Variants in ORC5 observed in about 807,000 individuals in gnomAD.
ORC5 encodes the protein protein phosphatase 1, regulatory subunit 117.
In ORC5, 39 loss-of-function variants were observed where a neutral mutation model predicts 58.8. That is an observed-to-expected ratio of 0.66 (90% CI 0.51 to 0.87). The LOEUF is 0.87. Among genes scored for constraint, ORC5 ranks in the 40% least tolerant of loss-of-function variants. The pLI, the probability that ORC5 is intolerant of heterozygous loss-of-function variation, is 0.00. For missense variants in ORC5, 493 were observed against 506.3 expected, an observed-to-expected ratio of 0.97 and a Z score of 0.25; for synonymous variants, 218 against 177.6, an observed-to-expected ratio of 1.23 and a Z score of -1.81.
At chr7:104,154,393 A>C (rs1036912151) in intron 12 of ORC5, among the ~76,000 whole-genome samples, 3 of 152,048 alleles carry the variant, frequency 2.0e-5, no homozygotes, top group Non-Finnish European at 4.4e-5. Context: ...CTACTTAAGT[A>C]AAAAACTCTT....
chr7:104,205,569 G>C (rs1400416947), intron 1 of ORC5, among the ~76,000 whole-genome samples: 1 of 152,128 alleles, frequency 6.6e-6, no homozygotes, highest in Non-Finnish European at 1.5e-5. Context: ...TCAGATTTAC[G>C]CAGGAAAAAG....
Position 104,184,153 on chromosome 7 carries a change from T to C in ORC5, c.703A>G (p.Lys235Glu). The C allele has an allele frequency of 6.3e-7, 1 of 1,575,620 alleles. No homozygotes were observed. Among genetic ancestry groups the C allele is most frequent in the Non-Finnish European group, 8.7e-7 (1 of 1,154,826 alleles). ...CCTTTAACCACGGGTTCACAATATT[T>C]AGGAAAATTAAGTACTGCCTGTAAG... ...LRHLAVLNFP[K>E]YCEPVVKGEA... Residue 235 changes from lysine to glutamate, a missense_variant, in exon 7 of 14, where the codon AAA becomes GAA. By Grantham distance (56) the Lys-to-Glu change is moderately conservative (BLOSUM62 1). Transcript: ENST00000297431.
chr7:104,200,190 C>T (rs1326206641), intron 3 of ORC5, among the ~76,000 whole-genome samples: 1 of 152,154 alleles, frequency 6.6e-6, no homozygotes, highest in Non-Finnish European at 1.5e-5. Context: ...TTCAGAGTAA[C>T]CAGGCATATT....
In ORC5 at chr7:104,168,445, G is replaced by A. The variant is rs758148803; in HGVS notation, c.877+28C>T. Reference sequence around the variant, plus strand: ...ATAATTAGCTGAAGAAGTATCTCCGGTAACTGTCTCAATACTTCCTCTGAT... The same window carrying A: ...ATAATTAGCTGAAGAAGTATCTCCGATAACTGTCTCAATACTTCCTCTGAT... On this transcript the variant is annotated intron_variant, in intron 9 of 13. Coordinates refer to ENST00000297431, the MANE Select transcript of ORC5 (RefSeq NM_002553.4). 28 of 1,605,492 alleles carry A rather than the reference G, an allele frequency of 1.7e-5. No individual in the cohort carries two copies. In the South Asian group the frequency reaches 3.1e-4, roughly 18 times the overall value.
chr7:104,200,728 G>T, intron 3 of ORC5, 30 bp downstream of exon 3: 4 of 1,299,072 alleles, frequency 3.1e-6, no homozygotes, highest in South Asian at 1.2e-5. Context: ...TTCAAGATAA[G>T]AGATGATCTA....
At chr7:104,181,178 C>T (rs1799424124) in intron 8 of ORC5, among the ~76,000 whole-genome samples, 2 of 152,070 alleles carry the variant, frequency 1.3e-5, no homozygotes, top group Non-Finnish European at 2.9e-5. Flanking sequence ...TTATTTGAAA[C>T]ATTAGTTTTT....
At chr7:104,132,965 A>G (rs1028869272) in intron 13 of ORC5, among the ~76,000 whole-genome samples, 1 of 152,160 alleles carries the variant, frequency 6.6e-6, no homozygotes, top group Non-Finnish European at 1.5e-5. Context: ...AAAATGCTGT[A>G]TATACAAGCA....
chr7:104,169,308 G>GC (rs1562816007), intron 8 of ORC5, among the ~76,000 whole-genome samples: 2 of 151,418 alleles, frequency 1.3e-5, no homozygotes, highest in South Asian at 2.1e-4. Context: ...CTTGTAGGAT[G>GC]CTTGCAGAGT....
intron 12 of ORC5, among the ~76,000 whole-genome samples, chr7:104,143,867 C>G (rs1431448203): frequency 6.6e-6 from 1 of 151,990 alleles, no homozygotes; most frequent in Non-Finnish European, 1.5e-5. Context: ...ACCTGTAATC[C>G]CAGCACTTTG....
At chr7:104,130,319 C>A (rs1463055761) in intron 13 of ORC5, among the ~76,000 whole-genome samples, 1 of 152,138 alleles carries the variant, frequency 6.6e-6, no homozygotes, top group Admixed American at 6.5e-5. Context: ...CAAACCTTTC[C>A]ACTGTAGTCT....
At chr7:104,185,149 G>T (rs1315691928) in intron 6 of ORC5, among the ~76,000 whole-genome samples, 1 of 150,314 alleles carries the variant, frequency 6.7e-6, no homozygotes, top group Non-Finnish European at 1.5e-5. Context: ...CTAGGTGAGG[G>T]GTTGATAGAT....
At chr7:104,144,112 C>CT (rs1450482579) in intron 12 of ORC5, among the ~76,000 whole-genome samples, 19 of 151,846 alleles carry the variant, frequency 1.3e-4, no homozygotes, top group African/African-American at 4.6e-4. Flanking sequence ...GAGCAAGACT[C>CT]TGTCTCAAAA....
chr7:104,196,145 A>C (rs1053668706), intron 4 of ORC5, among the ~76,000 whole-genome samples: 3 of 152,208 alleles, frequency 2.0e-5, no homozygotes, highest in Admixed American at 2.0e-4. Flanking sequence ...GAAACTAAAA[A>C]ACGGTGAAAA....
At chr7:104,206,302 T>C (rs966715642) in intron 1 of ORC5, among the ~76,000 whole-genome samples, 1 of 152,216 alleles carries the variant, frequency 6.6e-6, no homozygotes, top group Non-Finnish European at 1.5e-5. Context: ...TTCTTTGCTA[T>C]AGTTGTTTGT....
chr7:104,129,574 T>C lies in ORC5; in HGVS notation c.1263-2681A>G, dbSNP rs1454743038. On this transcript the variant is annotated intron_variant, in intron 13 of 13. Transcript: ENST00000297431. The surrounding 1 kb of genome is among the most constrained non-coding windows in gnomAD (Gnocchi z 4.9). The stretch of plus-strand genomic sequence containing the variant: ...TGTTAGAATAATCACAGGGGCAACA[T>C]AAAAAACTATGCCACACATCCGAAA... 1.7e-4 allele frequency among the ~76,000 whole-genome samples: 26 copies of C among 152,154 alleles called. 1 individual carries two copies. The highest frequency in any genetic ancestry group is 1.6e-3 in the Admixed American group (25 of 15,274).
At chr7:104,152,847 T>C (rs1383144253) in intron 12 of ORC5, among the ~76,000 whole-genome samples, 1 of 152,136 alleles carries the variant, frequency 6.6e-6, no homozygotes. Context: ...TATACAAAAG[T>C]AGAAAGCATA....
At chr7:104,151,359 G>A (rs922046681) in intron 12 of ORC5, among the ~76,000 whole-genome samples, 1 of 152,166 alleles carries the variant, frequency 6.6e-6, no homozygotes, top group Non-Finnish European at 1.5e-5. Flanking sequence ...CTGATTTAAG[G>A]TAATGTCAGT....
At chr7:104,189,898 T>C (rs1799635620) in intron 5 of ORC5, among the ~76,000 whole-genome samples, 2 of 152,140 alleles carry the variant, frequency 1.3e-5, no homozygotes, top group African/African-American at 4.8e-5. Flanking sequence ...GGAGTACAGG[T>C]AGAAACCTGG....
At chr7:104,184,066 A>C (rs200692562) in intron 7 of ORC5, 33 bp from the exon 8 acceptor site, 1 of 1,594,604 alleles carries the variant, frequency 6.3e-7, no homozygotes, top group Non-Finnish European at 8.6e-7. Context: ...TCAGTAATTT[A>C]TATCTTGTAA....
Sources: gnomAD v4.1 joint callset for allele counts (sites outside exome capture counted in the v4.1 genomes callset) on GRCh38, gnomAD v4.1.1 for gene constraint, Gnocchi (gnomAD v3.1) non-coding constraint, MANE v1.5 for transcripts, NCBI Gene and HGNC (gene_info 2026-07-23, HGNC 2026-07-21) for gene names.